The following LRMDA variants were observed in gnomAD, a reference collection of about 807,000 sequenced individuals.
The protein encoded by LRMDA is leucine rich melanocyte differentiation associated, also known as leucine-rich melanocyte differentiation-associated protein.
LRMDA carries 18 observed loss-of-function variants against 29.8 expected under a neutral mutation model. The ratio of observed to expected loss-of-function variants is 0.60; its 90% CI spans 0.42 to 0.90. The LOEUF is 0.90. LRMDA is among the 40% of genes least tolerant of loss of function. The pLI is 0.00. For missense variants in LRMDA, 273 were observed against 273.9 expected (o/e 1.00, Z 0.02); for synonymous variants, 125 against 109.4 (o/e 1.14, Z -0.89).
chr10:75,650,367 G>A (rs1450811077), intron 2 of LRMDA, among the ~76,000 whole-genome samples: 2 of 152,108 alleles, frequency 1.3e-5, no homozygotes, highest in Non-Finnish European at 2.9e-5. Context: ...ACAATTTGTT[G>A]TAAAGACTGT....
intron 2 of LRMDA, among the ~76,000 whole-genome samples, chr10:75,965,750 A>G (rs1019300416): frequency 2.2e-4 from 33 of 152,160 alleles, no homozygotes; most frequent in Admixed American, 1.9e-3. Context: ...GGTAACTTCA[A>G]ACTCTAGTCT....
At chr10:75,863,475 G>A (rs1028674861) in intron 2 of LRMDA, among the ~76,000 whole-genome samples, 2 of 152,174 alleles carry the variant, frequency 1.3e-5, no homozygotes, top group South Asian at 2.1e-4. Context: ...GGTAAATGGT[G>A]CAGACTTTGG....
chr10:76,244,399 C>T (rs1203363545), intron 5 of LRMDA, among the ~76,000 whole-genome samples: 3 of 152,164 alleles, frequency 2.0e-5, no homozygotes, highest in Non-Finnish European at 4.4e-5. Flanking sequence ...ACAGCCCTCC[C>T]CTGAAGAATG....
At chr10:75,755,380 T>A (rs1180575101) in intron 2 of LRMDA, among the ~76,000 whole-genome samples, 2 of 152,268 alleles carry the variant, frequency 1.3e-5, no homozygotes, top group Non-Finnish European at 2.9e-5. Flanking sequence ...GATGAATGAA[T>A]GTCTACCTAG....
chr10:75,917,904 G>T (rs1216019870), intron 2 of LRMDA, among the ~76,000 whole-genome samples: 1 of 152,114 alleles, frequency 6.6e-6, no homozygotes, highest in South Asian at 2.1e-4. Context: ...TGCAGGGAAG[G>T]CTCACAGGCT....
intron 2 of LRMDA, among the ~76,000 whole-genome samples, chr10:75,760,590 C>T (rs1843083447): frequency 6.6e-6 from 1 of 152,204 alleles, no homozygotes; most frequent in Admixed American, 6.5e-5. Flanking sequence ...ACCACCACCA[C>T]CCTCCCCTGC....
chr10:76,124,293 A>G (rs544165967), intron 5 of LRMDA, among the ~76,000 whole-genome samples: 8 of 152,334 alleles, frequency 5.3e-5, no homozygotes, highest in Non-Finnish European at 8.8e-5. Context: ...TAACAAGACA[A>G]CGAGGTCCCC....
At chr10:75,782,837 G>A (rs375605384) in intron 2 of LRMDA, 9 of 1,497,782 alleles carry the variant, frequency 6.0e-6, no homozygotes, top group African/African-American at 4.2e-5. Flanking sequence ...CGGCGTGCAT[G>A]TGTTTTAGTT....
intron 6 of LRMDA, among the ~76,000 whole-genome samples, chr10:76,429,879 C>T (rs554515519): frequency 6.0e-4 from 91 of 152,190 alleles, no homozygotes; most frequent in African/African-American, 2.2e-3. Flanking sequence ...CTCCTCTCTG[C>T]GTTGAGAGAA....
At chr10:75,795,889 T>G (rs1375284507) in intron 2 of LRMDA, among the ~76,000 whole-genome samples, 1 of 152,212 alleles carries the variant, frequency 6.6e-6, no homozygotes, top group Non-Finnish European at 1.5e-5. Flanking sequence ...TTCCATGTAT[T>G]CAGGTGTTTT....
chr10:76,315,228 C>T (rs1365744393), intron 5 of LRMDA, among the ~76,000 whole-genome samples: 2 of 152,250 alleles, frequency 1.3e-5, no homozygotes, highest in Non-Finnish European at 2.9e-5. Flanking sequence ...GGAGCAGCCG[C>T]TTCGAAGATT....
rs905905523 is a variant in LRMDA at position 75,679,907 on chromosome 10, TA to T, written c.131+241423del. On this transcript the variant is annotated intron_variant, in intron 2 of 6. Coordinates refer to ENST00000611255, the MANE Select transcript of LRMDA (RefSeq NM_001305581.2). Reference sequence around the variant, plus strand: ...GTTTTTAATTGTAAGTCACAGGAAATAAAAAAAAAACCCTTAAATTATCTTA... The same window carrying T: ...GTTTTTAATTGTAAGTCACAGGAAATAAAAAAAAACCCTTAAATTATCTTA... Among the ~76,000 whole-genome samples the T allele has an allele frequency of 1.7e-3, 256 of 147,406 alleles. 1 individual carries two copies. The highest frequency in any genetic ancestry group is 5.9e-3 in the African/African-American group (237 of 40,262).
intron 2 of LRMDA, among the ~76,000 whole-genome samples, chr10:75,807,849 G>A (rs187130689): frequency 1.3e-5 from 2 of 152,258 alleles, no homozygotes; most frequent in East Asian, 3.9e-4. Context: ...CAGCCTTCAA[G>A]TTGAAATTAC....
At chr10:75,740,118 C>T (rs1287674564) in intron 2 of LRMDA, among the ~76,000 whole-genome samples, 1 of 152,208 alleles carries the variant, frequency 6.6e-6, no homozygotes, top group Non-Finnish European at 1.5e-5. Context: ...TACAGCCATA[C>T]ATAATGCATA....
intron 2 of LRMDA, among the ~76,000 whole-genome samples, chr10:75,852,219 G>A (rs1844743708): frequency 6.6e-6 from 1 of 152,164 alleles, no homozygotes; most frequent in Non-Finnish European, 1.5e-5. Flanking sequence ...CTAGAATTCA[G>A]TGAAAACCAA....
At chr10:76,116,538 AGATGT>A (rs1474996209) in intron 5 of LRMDA, among the ~76,000 whole-genome samples, 1 of 152,122 alleles carries the variant, frequency 6.6e-6, no homozygotes, top group African/African-American at 2.4e-5. Context: ...CCTTTTCATT[AGATGT>A]GAGTTTCCCA....
chr10:75,978,201 G>C (rs1847107327), intron 2 of LRMDA, among the ~76,000 whole-genome samples: 1 of 152,194 alleles, frequency 6.6e-6, no homozygotes, highest in Admixed American at 6.5e-5. Flanking sequence ...CAGTGACTTA[G>C]CATTGTAGAG....
At chr10:75,779,072 G>A (rs1042431658) in intron 2 of LRMDA, among the ~76,000 whole-genome samples, 2 of 152,132 alleles carry the variant, frequency 1.3e-5, no homozygotes, top group Admixed American at 1.3e-4. Context: ...GAGAGCTAGG[G>A]TTCTGTGATA....
intron 6 of LRMDA, among the ~76,000 whole-genome samples, chr10:76,344,551 T>G (rs1841079817): frequency 6.6e-6 from 1 of 152,032 alleles, no homozygotes; most frequent in Admixed American, 6.6e-5. Context: ...AATCTAAAGG[T>G]CATGTGGAAA....
Sources: allele counts gnomAD v4.1 joint callset (sites outside exome capture counted in the v4.1 genomes callset), GRCh38; gene constraint gnomAD v4.1.1; transcripts MANE v1.5; gene names NCBI Gene and HGNC (gene_info 2026-07-23, HGNC 2026-07-21).